ABCD4: variants seen among roughly 807,000 people sequenced by gnomAD.
ABCD4 encodes lysosomal cobalamin transporter ABCD4.
In ABCD4, 53 loss-of-function variants were observed where a neutral mutation model predicts 86.3. The ratio of observed to expected loss-of-function variants is 0.61; its 90% CI spans 0.49 to 0.77. The LOEUF is 0.77. Among genes scored for constraint, ABCD4 ranks in the 30% least tolerant of loss-of-function variants. ABCD4 has a pLI of 0.00. For missense variants in ABCD4, 757 were observed against 764.5 expected, an observed-to-expected ratio of 0.99 and a Z score of 0.12; for synonymous variants, 328 against 313.6, an observed-to-expected ratio of 1.05 and a Z score of -0.49.
At chr14:74,294,995 A>G (rs745594568) in intron 7 of ABCD4, 153 bp downstream of exon 7, 9 of 871,904 alleles carry the variant, frequency 1.0e-5, no homozygotes, top group Non-Finnish European at 1.6e-5. Flanking sequence ...TGAGGCAGGC[A>G]AGGGCAGGGG....
At chr14:74,293,844 A>G (rs1283524474) in intron 7 of ABCD4, 3 of 152,216 alleles carry the variant, frequency 2.0e-5, no homozygotes, top group Non-Finnish European at 4.4e-5. Context: ...GGCAGCAGAT[A>G]GGCTTAGCCA....
At chr14:74,299,503 T>C (rs772391168) in intron 3 of ABCD4, 45 bp downstream of exon 3, 11 of 1,607,172 alleles carry the variant, frequency 6.8e-6, no homozygotes, top group Non-Finnish European at 8.5e-6. Flanking sequence ...ACGGTCACAC[T>C]GGACTGGAGA....
intron 3 of ABCD4, 114 bp downstream of exon 3, chr14:74,299,434 G>A: frequency 7.4e-7 from 1 of 1,358,092 alleles, no homozygotes; most frequent in East Asian, 2.4e-5. Flanking sequence ...AGAAAAGGGA[G>A]GAAACACACC....
intron 4 of ABCD4, chr14:74,296,710 C>G: frequency 2.4e-6 from 1 of 415,300 alleles, no homozygotes; most frequent in Admixed American, 3.9e-5. Context: ...GGTCCAGTAC[C>G]CAGGGGCCTG....
intron 16 of ABCD4, 40 bp downstream of exon 16, chr14:74,288,167 T>A (rs62006825): frequency 5.6e-6 from 9 of 1,604,298 alleles, no homozygotes. Context: ...ACTGTCTTTA[T>A]GGTGGGGCTA....
chr14:74,297,619 C>G, intron 4 of ABCD4: 1 of 730,184 alleles, frequency 1.4e-6, no homozygotes, highest in Non-Finnish European at 1.7e-6. Context: ...AGTACAGTGG[C>G]TATTCCCAAG....
rs1236371317 is a variant in ABCD4, at chr14:74,295,188, T to A, written c.679A>T (p.Met227Leu). The A allele has an allele frequency of 6.2e-7, 1 of 1,614,234 alleles. No individual in the cohort carries two copies. The highest frequency in any genetic ancestry group is 1.1e-5 in the South Asian group (1 of 91,082). The change falls in exon 7 of 19, where the codon ATG becomes TTG. Residue 227 changes from methionine to leucine, a missense_variant. By Grantham distance (15) the Met-to-Leu change is conservative (BLOSUM62 2). Transcript: ENST00000356924. ...GGCTCCGCATTCACCCGAATCTGCATGTGCTTGAACCTGGGCGGACCAAAG... is the reference window on the plus strand; with the variant it reads ...GGCTCCGCATTCACCCGAATCTGCAAGTGCTTGAACCTGGGCGGACCAAAG... ...KLEGDFRFKH[M>L]QIRVNAEPAA...
At position 74,299,411 on chromosome 14, in the gene ABCD4, C is replaced by T. The variant is rs931846522; in HGVS notation, c.285+137G>A. The T allele has an allele frequency of 3.4e-5, 37 of 1,076,538 alleles. No homozygotes were observed. In the South Asian group the frequency reaches 5.4e-4, roughly 16 times the overall value. 66.7% of individuals were successfully genotyped at this position (1,076,538 alleles called of 1,614,324 possible). On this transcript the variant is annotated intron_variant, in intron 3 of 18. Transcript: ENST00000356924. ...CAACGTGCTTAATAAAGGCAACTATCCCTTTAGTTCCCAGAAAAGGGAGGA... is the reference window on the plus strand; with the variant it reads ...CAACGTGCTTAATAAAGGCAACTATTCCTTTAGTTCCCAGAAAAGGGAGGA...
intron 2 of ABCD4, 26 bp from the exon 3 acceptor site, chr14:74,299,701 A>G: frequency 6.3e-7 from 1 of 1,599,832 alleles, no homozygotes; most frequent in Non-Finnish European, 8.5e-7. Context: ...GGAGTAAGAA[A>G]TCAGTGATGA....
intron 4 of ABCD4, 82 bp downstream of exon 4, chr14:74,297,847 TG>T (rs2083267706): frequency 2.7e-6 from 4 of 1,508,854 alleles, no homozygotes; most frequent in East Asian, 2.4e-5. Context: ...ATCTCCTTGG[TG>T]TCTGCCACCA....
intron 15 of ABCD4, 186 bp downstream of exon 15, chr14:74,288,530 T>A (rs991965171): frequency 2.6e-5 from 18 of 692,898 alleles, no homozygotes; most frequent in Non-Finnish European, 4.1e-5. Flanking sequence ...AATTCTCCAA[T>A]GAGAGCACTA....
rs1320678086 is a variant in ABCD4, at chr14:74,286,382, C to G, written c.*79G>C. 6.6e-7 allele frequency: 1 copy of G among 1,509,798 alleles called. No individual in the cohort carries two copies. The highest frequency in any genetic ancestry group is 9.2e-7 in the Non-Finnish European group (1 of 1,089,112). The allele number at this position is 1,509,798 out of a possible 1,614,324, so 93.5% of individuals were successfully genotyped here. ...TCTATGTGGCGAACCTGAGCTCGAT[C>G]TTCGCTGTCAGTCCTCCTGGTCTCT... On this transcript the variant is annotated 3_prime_UTR_variant, in exon 19 of 19. Transcript: ENST00000356924.
Position 74,290,502 on chromosome 14 carries a change from G to T in ABCD4, c.1119-3C>A. On this transcript the variant is annotated splice_region_variant and splice_polypyrimidine_tract_variant and intron_variant, in intron 11 of 18. Transcript: ENST00000356924. ...CTGCCGCTGGCCACCCTGGGGGTCT[G>T]TGTCAGAGAAGAGAGGGGGCGTGAG... The T allele has an allele frequency of 6.2e-7, 1 of 1,611,986 alleles. No individual in the cohort carries two copies.
intron 4 of ABCD4, 199 bp from the exon 5 acceptor site, chr14:74,296,648 A>G (rs889695072): frequency 1.8e-6 from 1 of 563,606 alleles, no homozygotes. Context: ...GGTTCTAGAG[A>G]GTTGCATCTT....
chr14:74,290,995 T>C (rs890134472), intron 11 of ABCD4, among the ~76,000 whole-genome samples: 1 of 151,992 alleles, frequency 6.6e-6, no homozygotes, highest in African/African-American at 2.4e-5. Flanking sequence ...TTTAAAGAGA[T>C]GATGTTAACA....
intron 11 of ABCD4, among the ~76,000 whole-genome samples, chr14:74,291,757 A>C (rs764798158): frequency 2.6e-5 from 4 of 152,206 alleles, no homozygotes; most frequent in Non-Finnish European, 5.9e-5. Flanking sequence ...AGCACTTTCC[A>C]TGGATGATGA....
Position 74,298,214 on chromosome 14 carries a change from T to TA in ABCD4, c.286-146dup, listed in dbSNP as rs977300226. 4.1e-5 allele frequency: 58 copies of TA among 1,424,162 alleles called. No individual in the cohort carries two copies. The African/African-American group carries it at 6.7e-4, about 17-fold the overall frequency. The allele number at this position is 1,424,162 out of a possible 1,614,324, so 88.2% of individuals were successfully genotyped here. A position where few individuals can be genotyped will look rare whatever the true frequency, so the allele number is the denominator to read the frequency against. On this transcript the variant is annotated intron_variant, in intron 3 of 18. Coordinates refer to ENST00000356924, the MANE Select transcript of ABCD4 (RefSeq NM_005050.4). ...CCGTCCACTCAGCACTTTTCTTTTT[T>TA]AAATCATCGAGTCATGGGACTTTCC...
chr14:74,301,755 G>C (rs936027369), intron 1 of ABCD4, among the ~76,000 whole-genome samples: 2 of 152,000 alleles, frequency 1.3e-5, no homozygotes, highest in African/African-American at 4.8e-5. Context: ...CAAAAAATTA[G>C]CTGGGTGTGG....
At chr14:74,289,628 TG>T (rs889188926) in intron 13 of ABCD4, 109 bp from the exon 14 acceptor site, 1 of 1,518,444 alleles carries the variant, frequency 6.6e-7, no homozygotes, top group Admixed American at 2.2e-5. Flanking sequence ...GGAGGAGAGG[TG>T]GGAACGCCTG....
Sources: allele counts gnomAD v4.1 joint callset (sites outside exome capture counted in the v4.1 genomes callset), GRCh38; gene constraint gnomAD v4.1.1; transcripts MANE v1.5; gene names NCBI Gene and HGNC (gene_info 2026-07-23, HGNC 2026-07-21).